MIB1: variants seen among roughly 807,000 people sequenced by gnomAD.
MIB1 encodes the protein MIB E3 ubiquitin protein ligase 1, also known as E3 ubiquitin-protein ligase MIB1.
MIB1 carries 278 observed loss-of-function variants against 124.5 expected under a neutral mutation model. The observed-to-expected ratio is 2.23, with a 90% CI of 2.02 to 2.47. The LOEUF is 2.47. Among genes scored for constraint, MIB1 ranks in the 30% most tolerant of loss-of-function variants. The pLI is 0.00. For missense variants in MIB1, 957 were observed against 1,254.4 expected, an observed-to-expected ratio of 0.76 and a Z score of 3.58; for synonymous variants, 446 against 429.4, an observed-to-expected ratio of 1.04 and a Z score of -0.48.
intron 4 of MIB1, among the ~76,000 whole-genome samples, chr18:21,775,588 A>G (rs2041275990): frequency 6.6e-6 from 1 of 152,222 alleles, no homozygotes; most frequent in Non-Finnish European, 1.5e-5. Flanking sequence ...GAATTTAAAC[A>G]AATACTTTAG....
chr18:21,844,447 CTGTTGT>C (rs565062524), intron 15 of MIB1, among the ~76,000 whole-genome samples, 194 bp downstream of exon 15: 1 of 151,900 alleles, frequency 6.6e-6, no homozygotes, highest in East Asian at 1.9e-4. Context: ...TTGTTCAGTT[CTGTTGT>C]TGTTGTTGTT....
At chr18:21,734,163 G>A (rs1042676691) in intron 1 of MIB1, among the ~76,000 whole-genome samples, 4 of 147,878 alleles carry the variant, frequency 2.7e-5, no homozygotes, top group Non-Finnish European at 4.4e-5. Flanking sequence ...CTGGAGTGCA[G>A]TGGCACGATT....
intron 1 of MIB1, among the ~76,000 whole-genome samples, chr18:21,754,583 C>G (rs1438012188): frequency 1.3e-5 from 2 of 152,098 alleles, no homozygotes; most frequent in Non-Finnish European, 2.9e-5. Flanking sequence ...GTTGGCAATT[C>G]AGACAGGTCA....
chr18:21,806,618 G>T (rs978326061), intron 10 of MIB1, among the ~76,000 whole-genome samples: 23 of 149,636 alleles, frequency 1.5e-4, no homozygotes, highest in Admixed American at 3.3e-4. Context: ...ATAGTTTTTT[G>T]TTTTTTGTTT....
At chr18:21,778,660 T>TGAAC (rs2041321470) in intron 5 of MIB1, among the ~76,000 whole-genome samples, 2 of 152,292 alleles carry the variant, frequency 1.3e-5, no homozygotes, top group South Asian at 4.1e-4. Context: ...GTTGCCTGGA[T>TGAAC]GAACATTTAC....
intron 20 of MIB1, among the ~76,000 whole-genome samples, chr18:21,862,518 G>T (rs1421248047): frequency 6.6e-6 from 1 of 152,128 alleles, no homozygotes; most frequent in Non-Finnish European, 1.5e-5. Flanking sequence ...TGAATAAATA[G>T]TATTTCAGAC....
rs1164289673 is a variant in MIB1 at position 21,777,506 on chromosome 18, A to T, written c.637-597A>T. On this transcript the variant is annotated intron_variant, in intron 4 of 20. Transcript: ENST00000261537. ...TTTCAAACTATTATAATTATTTATTAATTATAAGCATTTTAGTCTAATGTA... is the reference window on the plus strand; with the variant it reads ...TTTCAAACTATTATAATTATTTATTTATTATAAGCATTTTAGTCTAATGTA... Among the ~76,000 whole-genome samples the T allele has an allele frequency of 5.9e-5, 9 of 152,318 alleles. No individual in the cohort carries two copies. The South Asian group carries it at 8.3e-4, about 14-fold the overall frequency.
At position 21,867,143 on chromosome 18, in the gene MIB1, TG is replaced by T. The variant is rs1038401137; in HGVS notation, c.*2480del. 6.6e-6 allele frequency: 1 copy of T among 152,484 alleles called. No individual in the cohort carries two copies. The highest frequency in any genetic ancestry group is 2.4e-5 in the African/African-American group (1 of 41,466). The allele number at this position is 152,484 out of a possible 1,614,324, so 9.4% of individuals were successfully genotyped here. ...CGCATTCATTCAAAAAAGTATTTAT[TG>T]GGCTTTAGGGATTAGATACACAACA... On this transcript the variant is annotated 3_prime_UTR_variant, in exon 21 of 21. Coordinates refer to ENST00000261537, the MANE Select transcript of MIB1 (RefSeq NM_020774.4).
chr18:21,714,077 G>A (rs963474809), intron 1 of MIB1, among the ~76,000 whole-genome samples: 1 of 152,078 alleles, frequency 6.6e-6, no homozygotes, highest in Non-Finnish European at 1.5e-5. Context: ...CTCTGGAATT[G>A]GTGAATGCAG....
At chr18:21,843,882 C>G (rs965708081) in intron 14 of MIB1, among the ~76,000 whole-genome samples, 1 of 152,110 alleles carries the variant, frequency 6.6e-6, no homozygotes, top group Non-Finnish European at 1.5e-5. Context: ...TTTATTTTCT[C>G]TAATTCAATA....
At chr18:21,844,595 A>T (rs905854821) in intron 15 of MIB1, among the ~76,000 whole-genome samples, 11 of 152,026 alleles carry the variant, frequency 7.2e-5, no homozygotes, top group Middle Eastern at 3.4e-3. Context: ...CACCTAGCTA[A>T]TTTTTGTATT....
chr18:21,740,748 G>A (rs1366229514), upstream of MIB1, among the ~76,000 whole-genome samples: 1 of 152,240 alleles, frequency 6.6e-6, no homozygotes, highest in Non-Finnish European at 1.5e-5. Flanking sequence ...CTGGGGTTGG[G>A]CAACCGTCCG....
chr18:21,708,258 C>T (rs1459447452), intron 1 of MIB1, among the ~76,000 whole-genome samples: 1 of 152,174 alleles, frequency 6.6e-6, no homozygotes, highest in East Asian at 1.9e-4. Flanking sequence ...AAATCATTTA[C>T]TCTTTGGGGG....
chr18:21,860,825 A>G (rs2042270228), intron 20 of MIB1, among the ~76,000 whole-genome samples: 1 of 152,146 alleles, frequency 6.6e-6, no homozygotes, highest in Non-Finnish European at 1.5e-5. Context: ...GCTTGAGCCC[A>G]GGAGTTTGAG....
At chr18:21,720,248 G>A (rs1175493513) in intron 1 of MIB1, among the ~76,000 whole-genome samples, 1 of 152,146 alleles carries the variant, frequency 6.6e-6, no homozygotes, top group Non-Finnish European at 1.5e-5. Context: ...AATAATTATA[G>A]GTCTAGTAAA....
At chr18:21,736,525 T>C (rs1276691757), upstream of MIB1, among the ~76,000 whole-genome samples, 3 of 152,264 alleles carry the variant, frequency 2.0e-5, no homozygotes, top group East Asian at 5.8e-4. Flanking sequence ...TTTGACGAAT[T>C]GACAGAAGTA....
At chr18:21,817,987 T>C (rs2041845046) in intron 11 of MIB1, among the ~76,000 whole-genome samples, 1 of 152,260 alleles carries the variant, frequency 6.6e-6, no homozygotes, top group South Asian at 2.1e-4. Flanking sequence ...TGTACATGAC[T>C]GCTAATGAAT....
In MIB1 at chr18:21,855,255, A is replaced by G. The variant is rs139166075; in HGVS notation, c.2666-1875A>G. On this transcript the variant is annotated intron_variant, in intron 18 of 20. Transcript: ENST00000261537. ...CATATGCCTTTCCCAAGGAGTATAC[A>G]GTAATGTAGTTCGTCCAGTACCCCC... Among the ~76,000 whole-genome samples, 227 of 152,350 alleles carry G rather than the reference A, an allele frequency of 1.5e-3. 1 individual carries two copies. Among genetic ancestry groups the G allele is most frequent in the Middle Eastern group, 0.01 (3 of 294 alleles).
chr18:21,840,150 C>T (rs996984422), intron 13 of MIB1, among the ~76,000 whole-genome samples: 4 of 152,098 alleles, frequency 2.6e-5, no homozygotes, highest in Admixed American at 2.6e-4. Context: ...TTCCATATAT[C>T]CTGTGACCTT....
Sources: gnomAD v4.1 joint callset for allele counts (sites outside exome capture counted in the v4.1 genomes callset) on GRCh38, gnomAD v4.1.1 for gene constraint, MANE v1.5 for transcripts, NCBI Gene and HGNC (gene_info 2026-07-23, HGNC 2026-07-21) for gene names.